CACNA1B: variants seen among roughly 807,000 people sequenced by gnomAD.
CACNA1B encodes the protein voltage-dependent N-type calcium channel subunit alpha-1B.
In CACNA1B, 70 loss-of-function variants were observed where a neutral mutation model predicts 247.2. That is an observed-to-expected ratio of 0.28 (90% CI 0.23 to 0.35). The LOEUF is 0.35. CACNA1B is among the 10% of genes least tolerant of loss of function. The pLI, the probability that CACNA1B is intolerant of heterozygous loss-of-function variation, is 1.00. For missense variants in CACNA1B, 2,367 were observed against 3,197.4 expected (o/e 0.74, Z 6.26); for synonymous variants, 1,231 against 1,294.4 (o/e 0.95, Z 1.05).
At chr9:138,093,403 CAAAAAAAAAAAAAA>C (rs58608297) in intron 36 of CACNA1B, among the ~76,000 whole-genome samples, 1 of 43,256 alleles carries the variant, frequency 2.3e-5, no homozygotes, top group African/African-American at 6.9e-5. Flanking sequence ...GACTCTGTCT[CAAAAAAAAAAAAAA>C]AAAAAAAAAA....
intron 39 of CACNA1B, among the ~76,000 whole-genome samples, chr9:138,111,801 G>A (rs1455182884): frequency 1.3e-5 from 2 of 151,792 alleles, no homozygotes; most frequent in East Asian, 1.9e-4. Context: ...CAGTGTACTC[G>A]GGGGCTCCTT....
chr9:138,117,191 G>A (rs184112190), intron 42 of CACNA1B, among the ~76,000 whole-genome samples: 1 of 152,354 alleles, frequency 6.6e-6, no homozygotes, highest in Non-Finnish European at 1.5e-5. Flanking sequence ...TGGGGCTGTT[G>A]GGGCAGGCGT....
intron 3 of CACNA1B, among the ~76,000 whole-genome samples, chr9:137,912,038 G>C (rs988415848): frequency 1.3e-5 from 2 of 152,040 alleles, no homozygotes; most frequent in Non-Finnish European, 2.9e-5. Context: ...TTAGAAAAAA[G>C]GTACATCTTT....
rs547696006 is a variant in CACNA1B at position 137,950,398 on chromosome 9, G to A, written c.967-1876G>A. ...GTGTAAATGGAAGTCAAGGTGTCCC[G>A]TGTGGTCTTCACTAGTACCGCGGAG... On this transcript the variant is annotated intron_variant, in intron 6 of 46. Coordinates refer to ENST00000371372, the MANE Select transcript of CACNA1B (RefSeq NM_000718.4). The surrounding 1 kb of genome is among the most constrained non-coding windows in gnomAD (Gnocchi z 4.8). 6.6e-6 allele frequency among the ~76,000 whole-genome samples: 1 copy of A among 152,222 alleles called. No homozygotes were observed. The highest frequency in any genetic ancestry group is 1.5e-5 in the Non-Finnish European group (1 of 68,030).
chr9:138,089,204 A>G (rs780883485), intron 36 of CACNA1B, among the ~76,000 whole-genome samples: 2 of 152,036 alleles, frequency 1.3e-5, no homozygotes, highest in Non-Finnish European at 2.9e-5. Context: ...CACTAGAAAG[A>G]AAAAGGAAAC....
intron 15 of CACNA1B, among the ~76,000 whole-genome samples, chr9:138,000,130 G>T (rs1448515199): frequency 1.0e-4 from 15 of 146,490 alleles, no homozygotes; most frequent in Non-Finnish European, 1.8e-4. Flanking sequence ...ATGGAGTCTC[G>T]CTCTGTCGCC....
At chr9:138,116,300 G>C (rs987386912) in intron 42 of CACNA1B, among the ~76,000 whole-genome samples, 2 of 152,228 alleles carry the variant, frequency 1.3e-5, no homozygotes, top group Non-Finnish European at 2.9e-5. Context: ...AATTGGTAAG[G>C]TTCTTTTGTA....
Position 138,014,014 on chromosome 9 carries a change from G to T in CACNA1B, c.2267+779G>T, listed in dbSNP as rs950091616. Reference sequence around the variant, plus strand: ...ACACCTCCCATTCCCCATGCTGATGGGCGGGCCCCAGCTCTTCAGCCGGCC... The same window carrying T: ...ACACCTCCCATTCCCCATGCTGATGTGCGGGCCCCAGCTCTTCAGCCGGCC... On this transcript the variant is annotated intron_variant, in intron 18 of 46. Transcript: ENST00000371372. This position sits in a 1 kb window ranked among gnomAD's most constrained non-coding sequence, Gnocchi z 6.2. 6.6e-6 allele frequency among the ~76,000 whole-genome samples: 1 copy of T among 152,258 alleles called. No individual in the cohort carries two copies. The highest frequency in any genetic ancestry group is 2.4e-5 in the African/African-American group (1 of 41,468).
intron 6 of CACNA1B, among the ~76,000 whole-genome samples, chr9:137,928,910 A>G (rs1028707362): frequency 6.6e-6 from 1 of 152,218 alleles, no homozygotes; most frequent in Non-Finnish European, 1.5e-5. Flanking sequence ...TACATCCACG[A>G]TGAAGCAAGT....
At position 137,880,261 on chromosome 9, in the gene CACNA1B, G is replaced by A. The variant is rs1051847626; in HGVS notation, c.390+1102G>A. ...GGTGAGGAGGTCTTAATGGAGCACA[G>A]TCTGGAATGCCCAGTGGTCTGGGTT... is the stretch of plus-strand genomic sequence containing the variant. On this transcript the variant is annotated intron_variant, in intron 2 of 46. Transcript: ENST00000371372. This position sits in a 1 kb window ranked among gnomAD's most constrained non-coding sequence, Gnocchi z 4.8. Among the ~76,000 whole-genome samples the A allele has an allele frequency of 2.6e-5, 4 of 152,166 alleles. No homozygotes were observed. The highest frequency in any genetic ancestry group is 4.4e-5 in the Non-Finnish European group (3 of 68,024).
At chr9:138,032,420 G>A (rs1218730674) in intron 20 of CACNA1B, among the ~76,000 whole-genome samples, 3 of 152,004 alleles carry the variant, frequency 2.0e-5, no homozygotes, top group African/African-American at 7.2e-5. Context: ...TAGAAAACTC[G>A]AAAGGAGAGG....
chr9:138,056,676 A>G (rs1394787308), intron 26 of CACNA1B, among the ~76,000 whole-genome samples: 3 of 152,226 alleles, frequency 2.0e-5, no homozygotes, highest in Admixed American at 6.5e-5. Flanking sequence ...AAAGCATTGT[A>G]TATTCCCACC....
At chr9:138,109,072 A>G (rs1961534972) in intron 39 of CACNA1B, among the ~76,000 whole-genome samples, 1 of 152,272 alleles carries the variant, frequency 6.6e-6, no homozygotes, top group African/African-American at 2.4e-5. Context: ...GTATATGATT[A>G]TCTCAATAGG....
chr9:137,913,294 C>T lies in CACNA1B; in HGVS notation c.622+23C>T. 3 of 1,588,260 alleles carry T rather than the reference C, an allele frequency of 1.9e-6. No individual in the cohort carries two copies. Among genetic ancestry groups the T allele is most frequent in the Admixed American group, 1.7e-5 (1 of 59,874 alleles). ...CAAGTGAGTCCAGCGAAGACAGGCC[C>T]AAGCCGGCTTGGAGTAACAACCTCC... On this transcript the variant is annotated intron_variant, in intron 4 of 46. Transcript: ENST00000371372. The surrounding 1 kb of genome is among the most constrained non-coding windows in gnomAD (Gnocchi z 5.2).
At position 137,971,263 on chromosome 9, in the gene CACNA1B, G is replaced by C. The variant is rs955322633; in HGVS notation, c.1334-120G>C. Reference sequence around the variant, plus strand: ...GGTCACAGGGGTCACTGGCACAATTGTCTGTGACCGGCTGGGGCTGGGGGC... The same window carrying C: ...GGTCACAGGGGTCACTGGCACAATTCTCTGTGACCGGCTGGGGCTGGGGGC... On this transcript the variant is annotated intron_variant, in intron 10 of 46. Coordinates refer to ENST00000371372, the MANE Select transcript of CACNA1B (RefSeq NM_000718.4). This position sits in a 1 kb window ranked among gnomAD's most constrained non-coding sequence, Gnocchi z 4.4. 1.3e-5 allele frequency: 9 copies of C among 695,274 alleles called. No homozygotes were observed. Among genetic ancestry groups the C allele is most frequent in the Non-Finnish European group, 2.0e-5 (8 of 397,776 alleles). The allele number at this position is 695,274 out of a possible 1,614,324, so 43.1% of individuals were successfully genotyped here.
chr9:138,121,566 C>T lies in CACNA1B; in HGVS notation c.6587C>T (p.Thr2196Ile). ...AGGCAGCTCCCCCAGACGCCCCTGA[C>T]TCCCCGCCCCAGCATCACCTACAAG... ...GRRQLPQTPL[T>I]PRPSITYKTA... The change falls in exon 47 of 47, where the codon ACT (threonine) becomes ATT (isoleucine). Residue 2196 changes from threonine (T) to isoleucine (I), a missense_variant. By Grantham distance (89) the Thr-to-Ile change is moderately conservative. Transcript: ENST00000371372. This position sits in a 1 kb window ranked among gnomAD's most constrained non-coding sequence, Gnocchi z 6.8. 1 of 1,609,250 alleles carries T rather than the reference C, an allele frequency of 6.2e-7. No homozygotes were observed. The highest frequency in any genetic ancestry group is 8.5e-7 in the Non-Finnish European group (1 of 1,176,920).
intron 3 of CACNA1B, among the ~76,000 whole-genome samples, chr9:137,893,308 T>G (rs1195270583): frequency 6.7e-6 from 1 of 150,140 alleles, no homozygotes; most frequent in East Asian, 1.9e-4. Flanking sequence ...TAACAATAAT[T>G]TTATAAATCC....
At position 137,880,084 on chromosome 9, in the gene CACNA1B, C is replaced by T. The variant is rs1237716413; in HGVS notation, c.390+925C>T. The stretch of plus-strand genomic sequence containing the variant: ...TTCCCTTAAGCCTGGCTTCCGCCCC[C>T]ACTAGCATCCTGAGACAAGAGCTAT... On this transcript the variant is annotated intron_variant, in intron 2 of 46. Coordinates refer to ENST00000371372, the MANE Select transcript of CACNA1B (RefSeq NM_000718.4). This position sits in a 1 kb window ranked among gnomAD's most constrained non-coding sequence, Gnocchi z 4.8. Among the ~76,000 whole-genome samples the T allele has an allele frequency of 6.6e-6, 1 of 152,216 alleles. No individual in the cohort carries two copies. Among genetic ancestry groups the T allele is most frequent in the Non-Finnish European group, 1.5e-5 (1 of 68,036 alleles).
At position 137,899,321 on chromosome 9, in the gene CACNA1B, G is replaced by T. The variant is rs191414887; in HGVS notation, c.531-13859G>T. On this transcript the variant is annotated intron_variant, in intron 3 of 46. Transcript: ENST00000371372. The surrounding 1 kb of genome is among the most constrained non-coding windows in gnomAD (Gnocchi z 5.0). Reference sequence around the variant, plus strand: ...TTGGCCAGGCTGGTCTCGAACTCCTGATCTCAGATGATCCACCTGTCTTGG... The same window carrying T: ...TTGGCCAGGCTGGTCTCGAACTCCTTATCTCAGATGATCCACCTGTCTTGG... Among the ~76,000 whole-genome samples, 16 of 152,156 alleles carry T rather than the reference G, an allele frequency of 1.1e-4. No homozygotes were observed. Among genetic ancestry groups the T allele is most frequent in the African/African-American group, 3.6e-4 (15 of 41,506 alleles).
Sources: allele counts gnomAD v4.1 joint callset (sites outside exome capture counted in the v4.1 genomes callset), GRCh38; gene constraint gnomAD v4.1.1; non-coding constraint Gnocchi (gnomAD v3.1); transcripts MANE v1.5; gene names NCBI Gene and HGNC (gene_info 2026-07-23, HGNC 2026-07-21).